COL4A4: variants seen among roughly 807,000 people sequenced by gnomAD.
COL4A4 encodes collagen alpha-4(IV) chain.
Under a neutral mutation model 192.9 loss-of-function variants are expected in COL4A4, and 105 were observed. That is an observed-to-expected ratio of 0.54 (90% CI 0.46 to 0.64). The LOEUF is 0.64. COL4A4 is among the 30% of genes least tolerant of loss of function. COL4A4 has a pLI of 0.00. For synonymous variants in COL4A4, 762 were observed against 769.9 expected (o/e 0.99, Z 0.17); for missense variants, 1,967 against 2,169.3 (o/e 0.91, Z 1.85).
At chr2:227,136,614 C>T (rs1354628991) in intron 4 of COL4A4, among the ~76,000 whole-genome samples, 2 of 152,166 alleles carry the variant, frequency 1.3e-5, no homozygotes, top group Non-Finnish European at 2.9e-5. Context: ...ATTGTTCCAT[C>T]TCCACCTCTA....
At chr2:226,979,738 T>A in the COL4A4 span, among the ~76,000 whole-genome samples, 1 of 152,208 alleles carries the variant, frequency 6.6e-6, no homozygotes, top group Non-Finnish European at 1.5e-5. Context: ...GACTTGAATG[T>A]CGGTCAGTCT....
At chr2:227,116,978 A>G (rs2061522842) in intron 7 of COL4A4, among the ~76,000 whole-genome samples, 2 of 152,392 alleles carry the variant, frequency 1.3e-5, no homozygotes, top group South Asian at 4.1e-4. Flanking sequence ...TTGGTTCTCA[A>G]TGCTTCAAAT....
At chr2:227,060,101 G>GACAAAAAAAAAAAAAAAAAAA in intron 27 of COL4A4, 35 bp downstream of exon 27, 1 of 503,760 alleles carries the variant, frequency 2.0e-6, no homozygotes, top group Non-Finnish European at 3.1e-6. Context: ...TCCCAAAGCA[G>GACAAAAAAAAAAAAAAAAAAA]AAAAAAAAAA....
At chr2:227,032,327 G>A in intron 38 of COL4A4, 51 bp from the exon 39 acceptor site, 1 of 1,565,576 alleles carries the variant, frequency 6.4e-7, no homozygotes, top group Non-Finnish European at 8.7e-7. Flanking sequence ...TCTTGTCCCT[G>A]TTATAGTGCC....
At chr2:227,062,990 G>A (rs1296717397) in intron 25 of COL4A4, among the ~76,000 whole-genome samples, 1 of 152,142 alleles carries the variant, frequency 6.6e-6, no homozygotes, top group Non-Finnish European at 1.5e-5. Context: ...GAGAAGTCTC[G>A]ATAAATCATA....
chr2:227,006,797 G>T lies in COL4A4; in HGVS notation c.*528C>A. 6.5e-6 allele frequency: 1 copy of T among 153,542 alleles called. No individual in the cohort carries two copies. The highest frequency in any genetic ancestry group is 1.4e-5 in the Non-Finnish European group (1 of 69,384). 9.5% of individuals were successfully genotyped at this position (153,542 alleles called of 1,614,324 possible). ...TCTTTAAAAAAAAATCTCTCTTTGC[G>T]TCATGGTTTTACCATTATTTAAAGT... is the stretch of plus-strand genomic sequence containing the variant. On this transcript the variant is annotated 3_prime_UTR_variant, in exon 48 of 48. Transcript: ENST00000396625.
intron 22 of COL4A4, among the ~76,000 whole-genome samples, chr2:227,084,514 A>C (rs1041520194): frequency 6.6e-6 from 1 of 151,592 alleles, no homozygotes; most frequent in African/African-American, 2.4e-5. Flanking sequence ...TATTTGAGCT[A>C]GTAAGGAAAA....
chr2:227,102,210 C>T (rs2060562426), intron 15 of COL4A4, among the ~76,000 whole-genome samples: 1 of 152,206 alleles, frequency 6.6e-6, no homozygotes, highest in Non-Finnish European at 1.5e-5. Context: ...TTGCACTGGG[C>T]CAAATATCTT....
In COL4A4 at chr2:227,004,269, C is replaced by A. The variant is rs1003810702; in HGVS notation, c.*3056G>T. On this transcript the variant is annotated 3_prime_UTR_variant, in exon 48 of 48. Coordinates refer to ENST00000396625, the MANE Select transcript of COL4A4 (RefSeq NM_000092.5). The stretch of plus-strand genomic sequence containing the variant: ...GAGCAGCAGAAGGGAGCCTAAGTTT[C>A]CCCCAGGGAATTCACCTCCCACGCA... 14 of 152,296 alleles carry A rather than the reference C, an allele frequency of 9.2e-5. No individual in the cohort carries two copies. The highest frequency in any genetic ancestry group is 3.4e-4 in the African/African-American group (14 of 41,462). 9.4% of individuals were successfully genotyped at this position (152,296 alleles called of 1,614,324 possible).
At chr2:227,103,300 A>G in intron 13 of COL4A4, 103 bp from the exon 14 acceptor site, 5 of 894,208 alleles carry the variant, frequency 5.6e-6, no homozygotes, top group Non-Finnish European at 8.8e-6. Context: ...TTTCACCTTA[A>G]AAAAAAAAAT....
chr2:227,162,577 G>A (rs573305333), intron 1 of COL4A4, among the ~76,000 whole-genome samples: 25 of 152,194 alleles, frequency 1.6e-4, no homozygotes, highest in African/African-American at 5.5e-4. Flanking sequence ...CAACATCTGC[G>A]ATATGGTCAT....
At chr2:227,062,676 C>A (rs1228960626) in intron 25 of COL4A4, 78 bp from the exon 26 acceptor site, 8 of 1,001,350 alleles carry the variant, frequency 8.0e-6, no homozygotes, top group Non-Finnish European at 1.1e-5. Context: ...TGACAACTTC[C>A]TCAAGATATT....
At chr2:227,134,760 C>G (rs575908233) in intron 4 of COL4A4, among the ~76,000 whole-genome samples, 1 of 152,294 alleles carries the variant, frequency 6.6e-6, no homozygotes, top group South Asian at 2.1e-4. Context: ...GACTCACTCA[C>G]GTTTGATTTT....
At chr2:227,152,310 A>G (rs781368459) in intron 1 of COL4A4, among the ~76,000 whole-genome samples, 1 of 152,250 alleles carries the variant, frequency 6.6e-6, no homozygotes, top group Non-Finnish European at 1.5e-5. Context: ...GGATAGAGCA[A>G]TTCTACAAAA....
chr2:227,130,786 C>T (rs1363737582), intron 4 of COL4A4, among the ~76,000 whole-genome samples: 2 of 152,212 alleles, frequency 1.3e-5, no homozygotes, highest in Admixed American at 6.5e-5. Flanking sequence ...GCTTCCTGAG[C>T]GGGCACCACT....
At chr2:227,138,133 A>AAATAATAAT (rs35550127) in intron 4 of COL4A4, among the ~76,000 whole-genome samples, 3,847 of 147,140 alleles carry the variant, frequency 0.026, 193 homozygotes, top group African/African-American at 0.091. Context: ...CCACCTCTAC[A>AAATAATAAT]AATAATAATA....
At chr2:227,012,371 ATGCCAGCCGTG>A (rs1167246342) in intron 44 of COL4A4, 74 bp from the exon 45 acceptor site, 1 of 1,200,118 alleles carries the variant, frequency 8.3e-7, no homozygotes, top group East Asian at 2.3e-5. Context: ...CTTATACCGT[ATGCCAGCCGTG>A]TGCCAGCCCC....
chr2:227,124,056 T>C (rs55686031), intron 4 of COL4A4, among the ~76,000 whole-genome samples: 2,453 of 152,288 alleles, frequency 0.016, 60 homozygotes, highest in African/African-American at 0.056. Context: ...CTATTGTTAT[T>C]ATATATTATT....
rs1413811797 is a variant in COL4A4, at chr2:227,089,633, G to T, written c.1459+235C>A. Among the ~76,000 whole-genome samples the T allele has an allele frequency of 5.4e-3, 533 of 98,270 alleles. 7 individuals are homozygous for T. Among genetic ancestry groups the T allele is most frequent in the Middle Eastern group, 0.014 (2 of 148 alleles). 64.5% of individuals were successfully genotyped at this position (98,270 alleles called of 152,430 possible). A position where few individuals can be genotyped will look rare whatever the true frequency, so the allele number is the denominator to read the frequency against. On this transcript the variant is annotated intron_variant, in intron 21 of 47. Coordinates refer to ENST00000396625, the MANE Select transcript of COL4A4 (RefSeq NM_000092.5). ...TACATACATATATATAAATATATAA[G>T]ACACAAGGCTTTGACTTTTATAATA...
Sources: allele counts gnomAD v4.1 joint callset (sites outside exome capture counted in the v4.1 genomes callset), GRCh38; gene constraint gnomAD v4.1.1; transcripts MANE v1.5; gene names NCBI Gene and HGNC (gene_info 2026-07-23, HGNC 2026-07-21).